MYO1C: variants seen among roughly 807,000 people sequenced by gnomAD.
MYO1C encodes myosin IC.
In MYO1C, 104 loss-of-function variants were observed where a neutral mutation model predicts 150.8. The observed-to-expected ratio is 0.69, with a 90% CI of 0.59 to 0.81. MYO1C has a LOEUF of 0.81. Ranked by LOEUF, MYO1C falls within the 30% of genes least tolerant of loss-of-function variation. The probability of loss-of-function intolerance (pLI) is 0.00; values close to 1 mark genes in which losing one functional copy is unlikely to be tolerated. For missense variants in MYO1C, 1,504 were observed against 1,435.0 expected, an observed-to-expected ratio of 1.05 and a Z score of -0.78; for synonymous variants, 663 against 579.9, an observed-to-expected ratio of 1.14 and a Z score of -2.06.
At chr17:1,467,113 G>A in intron 31 of MYO1C, 129 bp downstream of exon 31, 1 of 885,200 alleles carries the variant, frequency 1.1e-6, no homozygotes, top group Non-Finnish European at 1.8e-6. Context: ...TGGGCCAAGG[G>A]ATGGAAGAGG....
chr17:1,483,973 A>G (rs1196863831), intron 2 of MYO1C, among the ~76,000 whole-genome samples, 175 bp downstream of exon 2: 1 of 150,956 alleles, frequency 6.6e-6, no homozygotes, highest in Non-Finnish European at 1.5e-5. Flanking sequence ...ACCCGGGGGG[A>G]GGAGGTTACA....
At chr17:1,481,654 C>G (rs1331586915) in intron 5 of MYO1C, among the ~76,000 whole-genome samples, 1 of 151,858 alleles carries the variant, frequency 6.6e-6, no homozygotes, top group Admixed American at 6.6e-5. Flanking sequence ...GCACACACCA[C>G]CGTGCCTGGC....
chr17:1,481,061 C>G, intron 5 of MYO1C, 176 bp from the exon 6 acceptor site: 3 of 640,736 alleles, frequency 4.7e-6, no homozygotes, highest in African/African-American at 1.8e-5. Flanking sequence ...GTTACTTCAT[C>G]TAGGAAATGG....
chr17:1,468,605 C>T, intron 25 of MYO1C, 109 bp from the exon 26 acceptor site: 1 of 862,518 alleles, frequency 1.2e-6, no homozygotes, highest in Non-Finnish European at 1.9e-6. Flanking sequence ...CTTGCTGGTC[C>T]CTCTCTGGCT....
intron 14 of MYO1C, 145 bp downstream of exon 14, chr17:1,477,360 G>C (rs1010941561): frequency 2.7e-6 from 2 of 733,328 alleles, no homozygotes; most frequent in Non-Finnish European, 4.9e-6. Context: ...TTAGTTTCTG[G>C]ACACATGTGA....
At chr17:1,486,506 C>T (rs1190580019) in intron 1 of MYO1C, among the ~76,000 whole-genome samples, 1 of 144,878 alleles carries the variant, frequency 6.9e-6, no homozygotes, top group East Asian at 1.9e-4. Flanking sequence ...CCTCCTCCCT[C>T]CCTCCTTTTT....
At chr17:1,482,783 C>T in intron 4 of MYO1C, 78 bp downstream of exon 4, 1 of 776,404 alleles carries the variant, frequency 1.3e-6, no homozygotes, top group Non-Finnish European at 1.9e-6. Context: ...CTCTCCCTGC[C>T]CTCCCCTCCC....
chr17:1,475,410 C>T lies in MYO1C; in HGVS notation c.1575-378G>A, dbSNP rs369368959. Among the ~76,000 whole-genome samples, 68 of 152,074 alleles carry T rather than the reference C, an allele frequency of 4.5e-4. No homozygotes were observed. The East Asian group carries it at 0.012, about 26-fold the overall frequency. ...CTCCAAAAAAAAAAGAGCAGGTGCA[C>T]CCCCAGGGCTGGGTCACTGAGGCAG... On this transcript the variant is annotated intron_variant, in intron 14 of 31. Transcript: ENST00000648651.
intron 29 of MYO1C, 123 bp downstream of exon 29, chr17:1,467,717 A>G (rs1598318880): frequency 2.5e-5 from 13 of 527,068 alleles, no homozygotes; most frequent in South Asian, 1.7e-4. Context: ...TGACCCCCCA[A>G]TCTACCCCCA....
At position 1,483,642 on chromosome 17, in the gene MYO1C, ACGG is replaced by A. The variant is rs749843039; in HGVS notation, c.312_314del (p.Arg105del). 1 of 1,612,740 alleles carries A rather than the reference ACGG, an allele frequency of 6.2e-7. No individual in the cohort carries two copies. The highest frequency in any genetic ancestry group is 1.1e-5 in the South Asian group (1 of 90,734). On this transcript the variant is annotated inframe_deletion, in exon 3 of 32. Coordinates refer to ENST00000648651, the MANE Select transcript of MYO1C (RefSeq NM_001080779.2). ...GGGGCACTTCATAGAAGCTGACGCC[ACGG>A]TAACGCTCCATATGCTGCCGGCTGT...
At position 1,467,358 on chromosome 17, in the gene MYO1C, G is replaced by T. The variant is rs946157156; in HGVS notation, c.3066-17C>A. The T allele has an allele frequency of 3.1e-6, 5 of 1,608,322 alleles. No homozygotes were observed. The highest frequency in any genetic ancestry group is 4.2e-6 in the Non-Finnish European group (5 of 1,177,416). On this transcript the variant is annotated splice_polypyrimidine_tract_variant and intron_variant, in intron 30 of 31. Transcript: ENST00000648651. ...AACGTGATGCTGGGGGAACGGGGTG[G>T]GTGAGGGTTTTTCCATGGAGGCAGA...
Position 1,492,273 on chromosome 17 carries a change from G to A in MYO1C, c.75+140C>T. The A allele has an allele frequency of 3.7e-6, 3 of 816,160 alleles. No individual in the cohort carries two copies. The South Asian group carries it at 4.6e-5, about 12-fold the overall frequency. 50.6% of individuals were successfully genotyped at this position (816,160 alleles called of 1,614,324 possible). A position where few individuals can be genotyped will look rare whatever the true frequency, so the allele number is the denominator to read the frequency against. ...CTTACTCTTCCACTCACCCCGTCTTGTTCAGTCTGTTCTGGCCCCGCCAAG... is the reference window on the plus strand; with the variant it reads ...CTTACTCTTCCACTCACCCCGTCTTATTCAGTCTGTTCTGGCCCCGCCAAG... On this transcript the variant is annotated intron_variant, in intron 1 of 31. Coordinates refer to ENST00000648651, the MANE Select transcript of MYO1C (RefSeq NM_001080779.2).
chr17:1,480,190 T>G (rs139515555), intron 7 of MYO1C, among the ~76,000 whole-genome samples: 1,567 of 141,446 alleles, frequency 0.011, 20 homozygotes, highest in African/African-American at 0.032. Context: ...CCCACGCCTG[T>G]AATCCCAGCA....
intron 1 of MYO1C, chr17:1,491,567 C>G (rs1340450527): frequency 3.1e-6 from 3 of 959,518 alleles, no homozygotes; most frequent in Non-Finnish European, 3.7e-6. Flanking sequence ...ACCCGCCCCC[C>G]GCGGCCGCCG....
At chr17:1,476,772 T>G (rs2074409178) in intron 14 of MYO1C, among the ~76,000 whole-genome samples, 1 of 152,066 alleles carries the variant, frequency 6.6e-6, no homozygotes, top group Non-Finnish European at 1.5e-5. Flanking sequence ...ACAAGGAAGA[T>G]GAAAAATCTT....
rs1182992737 is a variant in MYO1C at position 1,478,183 on chromosome 17, C to A, written c.1305G>T (p.Gln435His). The A allele has an allele frequency of 1.2e-6, 2 of 1,613,738 alleles. No individual in the cohort carries two copies. Among genetic ancestry groups the A allele is most frequent in the Admixed American group, 1.7e-5 (1 of 60,026 alleles). The change falls in exon 12 of 32, where the codon CAG becomes CAT. Residue 435 changes from glutamine (Q) to histidine (H), a missense_variant. Physicochemically the swap from Gln to His is conservative, Grantham distance 24. Coordinates refer to ENST00000648651, the MANE Select transcript of MYO1C (RefSeq NM_001080779.2). This position sits in a 1 kb window ranked among gnomAD's most constrained non-coding sequence, Gnocchi z 6.3. ...FEVFQHNSFEQFCINYCNEKL... is the reference protein window; with the variant it reads ...FEVFQHNSFEHFCINYCNEKL... The stretch of plus-strand genomic sequence containing the variant: ...TCTCGTTGCAGTAATTGATGCAGAA[C>A]TGCTCAAAGCTGTAAGGAAGGAGAA...
chr17:1,473,549 G>A (rs1222298734), intron 17 of MYO1C, among the ~76,000 whole-genome samples: 1 of 152,138 alleles, frequency 6.6e-6, no homozygotes, highest in Non-Finnish European at 1.5e-5. Flanking sequence ...CTGCCAGGCA[G>A]TCTGGCTTCC....
At chr17:1,477,315 G>A (rs2074419421) in intron 14 of MYO1C, 190 bp downstream of exon 14, 1 of 632,068 alleles carries the variant, frequency 1.6e-6, no homozygotes, top group East Asian at 2.8e-5. Flanking sequence ...GCATAGATGG[G>A]ACTCCAGGCG....
intron 1 of MYO1C, chr17:1,484,969 TCCCACCCCAGCTGGGCTCAGCCA>T: frequency 1.9e-6 from 1 of 520,430 alleles, no homozygotes; most frequent in East Asian, 7.1e-5. Flanking sequence ...CCAGAGGGCC[TCCCACCCCAGCTGGGCTCAGCCA>T]CCCACTCCAG....
Sources: allele counts gnomAD v4.1 joint callset (sites outside exome capture counted in the v4.1 genomes callset), GRCh38; gene constraint gnomAD v4.1.1; non-coding constraint Gnocchi (gnomAD v3.1); transcripts MANE v1.5; gene names NCBI Gene and HGNC (gene_info 2026-07-23, HGNC 2026-07-21).